Variants in UBE2W observed in about 807,000 individuals in gnomAD.
The protein encoded by UBE2W is ubiquitin conjugating enzyme E2 W.
In UBE2W, 18 loss-of-function variants were observed where a neutral mutation model predicts 27.2. That is an observed-to-expected ratio of 0.66 (90% CI 0.46 to 0.98). The LOEUF is 0.98. Ranked by LOEUF, UBE2W falls within the 50% of genes least tolerant of loss-of-function variation. The pLI is 0.00. For missense variants in UBE2W, 90 were observed against 180.2 expected (o/e 0.50, Z 2.87); for synonymous variants, 53 against 57.2 (o/e 0.93, Z 0.33).
At chr8:73,849,107 G>T (rs1810950497) in intron 1 of UBE2W, among the ~76,000 whole-genome samples, 1 of 152,160 alleles carries the variant, frequency 6.6e-6, no homozygotes, top group Non-Finnish European at 1.5e-5. Context: ...AGCTACAGAG[G>T]TGTTAACACT....
At chr8:73,782,223 A>G (rs935428993), downstream of UBE2W, among the ~76,000 whole-genome samples, 4 of 151,928 alleles carry the variant, frequency 2.6e-5, no homozygotes, top group African/African-American at 9.7e-5. Flanking sequence ...CTGGGATTAC[A>G]GGCATGAGCC....
Position 73,805,454 on chromosome 8 carries a change from C to CAAAAAAAAAAAAAAAAAAAAAAAAA in UBE2W, c.442+196_442+197insTTTTTTTTTTTTTTTTTTTTTTTTT, listed in dbSNP as rs1162712227. ...GGGCAACAAGAGCAAAACTCCATCT[C>CAAAAAAAAAAAAAAAAAAAAAAAAA]AAAAAAAAAAAAAAAAACAAAAAAA... On this transcript the variant is annotated intron_variant, in intron 5 of 5. Coordinates refer to ENST00000602593, the MANE Select transcript of UBE2W (RefSeq NM_018299.6). Among the ~76,000 whole-genome samples, 22 of 14,576 alleles carry CAAAAAAAAAAAAAAAAAAAAAAAAA rather than the reference C, an allele frequency of 1.5e-3. 2 individuals are homozygous for CAAAAAAAAAAAAAAAAAAAAAAAAA. Among genetic ancestry groups the CAAAAAAAAAAAAAAAAAAAAAAAAA allele is most frequent in the Admixed American group, 2.8e-3 (2 of 718 alleles). 9.6% of individuals were successfully genotyped at this position (14,576 alleles called of 152,430 possible).
At chr8:73,863,484 C>T (rs1445802034) in intron 1 of UBE2W, among the ~76,000 whole-genome samples, 4 of 148,346 alleles carry the variant, frequency 2.7e-5, no homozygotes, top group Non-Finnish European at 5.9e-5. Flanking sequence ...TGCTAGATGA[C>T]GAGTTAGTGG....
intron 3 of UBE2W, among the ~76,000 whole-genome samples, chr8:73,812,862 G>A (rs1809210635): frequency 6.6e-6 from 1 of 151,790 alleles, no homozygotes; most frequent in African/African-American, 2.4e-5. Flanking sequence ...AAAATTAGCT[G>A]GGAGCGGTGG....
chr8:73,822,771 G>A (rs558504726), intron 3 of UBE2W, among the ~76,000 whole-genome samples: 8 of 151,992 alleles, frequency 5.3e-5, no homozygotes, highest in African/African-American at 1.5e-4. Context: ...GTGACAAAGC[G>A]AGACGCTGTC....
rs141258561 is a variant in UBE2W, at chr8:73,863,795, C to T, written c.15+15013G>A. On this transcript the variant is annotated intron_variant, in intron 1 of 5. Transcript: ENST00000602593. Reference sequence around the variant, plus strand: ...GAAGAGCTAAGAAAAATGACAATACCCAGGATGCATTCCAGAGCAATTAAA... The same window carrying T: ...GAAGAGCTAAGAAAAATGACAATACTCAGGATGCATTCCAGAGCAATTAAA... 2.1e-3 allele frequency among the ~76,000 whole-genome samples: 326 copies of T among 151,736 alleles called. 2 individuals are homozygous for T. Among genetic ancestry groups the T allele is most frequent in the African/African-American group, 7.4e-3 (306 of 41,378 alleles).
intron 5 of UBE2W, among the ~76,000 whole-genome samples, chr8:73,803,287 C>T (rs1808723112): frequency 6.6e-6 from 1 of 152,058 alleles, no homozygotes; most frequent in African/African-American, 2.4e-5. Context: ...TGAAAATATT[C>T]CTTCTCCAAA....
Position 73,793,060 on chromosome 8 carries a change from TAAC to T in UBE2W, c.*1039_*1041del, listed in dbSNP as rs1432258960. ...TAAAGAAAATTTACAAGAAAAAACTTAACAAAAGTTTCAATAAAAGTATTGTAA... is the reference window on the plus strand; with the variant it reads ...TAAAGAAAATTTACAAGAAAAAACTTAAAAGTTTCAATAAAAGTATTGTAA... On this transcript the variant is annotated 3_prime_UTR_variant, in exon 6 of 6. Coordinates refer to ENST00000602593, the MANE Select transcript of UBE2W (RefSeq NM_018299.6). The T allele has an allele frequency of 5.0e-5, 49 of 985,556 alleles. No individual in the cohort carries two copies. In the East Asian group the frequency reaches 3.5e-3, roughly 71 times the overall value. 61.1% of individuals were successfully genotyped at this position (985,556 alleles called of 1,614,324 possible). A position where few individuals can be genotyped will look rare whatever the true frequency, so the allele number is the denominator to read the frequency against.
intron 1 of UBE2W, among the ~76,000 whole-genome samples, chr8:73,849,512 CAAAAAAAAAAAAA>C (rs71269951): frequency 4.0e-4 from 9 of 22,774 alleles, no homozygotes; most frequent in South Asian, 4.6e-3. Context: ...AACTCCATCT[CAAAAAAAAAAAAA>C]AAAAAAAAAA....
At chr8:73,848,591 C>T (rs1810915716) in intron 1 of UBE2W, among the ~76,000 whole-genome samples, 1 of 152,096 alleles carries the variant, frequency 6.6e-6, no homozygotes, top group Non-Finnish European at 1.5e-5. Flanking sequence ...AGACAGGAGA[C>T]TAAGGTGGGA....
At chr8:73,851,171 C>A (rs1266536622) in intron 1 of UBE2W, among the ~76,000 whole-genome samples, 1 of 151,404 alleles carries the variant, frequency 6.6e-6, no homozygotes, top group Non-Finnish European at 1.5e-5. Context: ...TTTTTAAATT[C>A]TTCTGTATGC....
At chr8:73,810,170 T>A (rs1460855649) in intron 4 of UBE2W, among the ~76,000 whole-genome samples, 2 of 152,220 alleles carry the variant, frequency 1.3e-5, no homozygotes, top group East Asian at 3.8e-4. Context: ...GAATTTCTTG[T>A]ATACTTTTAC....
At chr8:73,805,267 A>G (rs1308252782) in intron 5 of UBE2W, among the ~76,000 whole-genome samples, 1 of 150,296 alleles carries the variant, frequency 6.7e-6, no homozygotes, top group Non-Finnish European at 1.5e-5. Context: ...CAGACTCATC[A>G]ACACACAGAA....
intron 3 of UBE2W, among the ~76,000 whole-genome samples, chr8:73,822,562 T>C (rs1809659194): frequency 7.9e-6 from 1 of 126,032 alleles, no homozygotes; most frequent in African/African-American, 2.9e-5. Flanking sequence ...CCTCCCTTTG[T>C]ATGGGAGCTC....
intron 1 of UBE2W, among the ~76,000 whole-genome samples, chr8:73,861,251 A>G (rs896037888): frequency 1.4e-4 from 22 of 152,216 alleles, no homozygotes. Flanking sequence ...GACAAGAGAG[A>G]TATAAGCCCA....
At chr8:73,796,310 G>A (rs77441425) in intron 5 of UBE2W, among the ~76,000 whole-genome samples, 8,045 of 151,614 alleles carry the variant, frequency 0.053, 687 homozygotes, top group African/African-American at 0.18. Flanking sequence ...AAACTACTGG[G>A]GATAAATTTT....
rs370215899 is a variant in UBE2W, at chr8:73,844,740, G to C, written c.16-14268C>G. On this transcript the variant is annotated intron_variant, in intron 1 of 5. Coordinates refer to ENST00000602593, the MANE Select transcript of UBE2W (RefSeq NM_018299.6). The stretch of plus-strand genomic sequence containing the variant: ...CAGCCGCCCATCGTCTGGGATGTGG[G>C]GAGCACCTCTGCCCCGCCGCCCCAT... Among the ~76,000 whole-genome samples, 207 of 151,438 alleles carry C rather than the reference G, an allele frequency of 1.4e-3. 4 individuals are homozygous for C. In the East Asian group the frequency reaches 0.034, roughly 25 times the overall value.
chr8:73,870,307 A>G, intron 1 of UBE2W: 1 of 1,576,326 alleles, frequency 6.3e-7, no homozygotes, highest in Non-Finnish European at 8.6e-7. Context: ...GTGGTCTGAA[A>G]ATACAAAGAA....
chr8:73,818,602 TG>T (rs1809486034), intron 3 of UBE2W, among the ~76,000 whole-genome samples: 1 of 152,220 alleles, frequency 6.6e-6, no homozygotes, highest in African/African-American at 2.4e-5. Flanking sequence ...TAATACAGTT[TG>T]GATGTTTGTC....
Sources: gnomAD v4.1 joint callset for allele counts (sites outside exome capture counted in the v4.1 genomes callset) on GRCh38, gnomAD v4.1.1 for gene constraint, MANE v1.5 for transcripts, NCBI Gene and HGNC (gene_info 2026-07-23, HGNC 2026-07-21) for gene names.